The following CSF1R variants were observed in gnomAD, a reference collection of about 807,000 sequenced individuals.
CSF1R encodes macrophage colony-stimulating factor 1 receptor.
In CSF1R, 40 loss-of-function variants were observed where a neutral mutation model predicts 110.0. That is an observed-to-expected ratio of 0.36 (90% CI 0.28 to 0.47). The LOEUF is 0.47. Among genes scored for constraint, CSF1R ranks in the 20% least tolerant of loss-of-function variants. The probability of loss-of-function intolerance (pLI) is 0.99; values close to 1 mark genes in which losing one functional copy is unlikely to be tolerated. For missense variants in CSF1R, 1,052 were observed against 1,253.0 expected (o/e 0.84, Z 2.42); for synonymous variants, 523 against 503.4 (o/e 1.04, Z -0.52).
chr5:150,100,902 C>T (rs964759243), intron 1 of CSF1R, among the ~76,000 whole-genome samples: 6 of 152,044 alleles, frequency 3.9e-5, no homozygotes, highest in East Asian at 1.9e-4. Flanking sequence ...AATACAGCTA[C>T]GCACAATTAT....
At chr5:150,079,261 C>T (rs1457808475) in intron 3 of CSF1R, among the ~76,000 whole-genome samples, 1 of 152,202 alleles carries the variant, frequency 6.6e-6, no homozygotes, top group Non-Finnish European at 1.5e-5. Context: ...GTCCTTTGAC[C>T]CCCTGGGCAG....
chr5:150,078,940 G>A (rs890393952), intron 3 of CSF1R, among the ~76,000 whole-genome samples: 1 of 152,170 alleles, frequency 6.6e-6, no homozygotes, highest in Admixed American at 6.5e-5. Flanking sequence ...CATCACATTT[G>A]TATTTACTTT....
At chr5:150,059,127 C>T (rs1448324798) in intron 14 of CSF1R, among the ~76,000 whole-genome samples, 1 of 152,198 alleles carries the variant, frequency 6.6e-6, no homozygotes, top group Non-Finnish European at 1.5e-5. Context: ...TCACAGCAAC[C>T]TCTGCCTCCT....
chr5:150,112,974 G>A (rs932794412), intron 1 of CSF1R, among the ~76,000 whole-genome samples: 1 of 152,202 alleles, frequency 6.6e-6, no homozygotes, highest in Non-Finnish European at 1.5e-5. Context: ...TGATGGATCT[G>A]AGGCTGACAT....
In CSF1R at chr5:150,073,195, C is replaced by G. The variant is rs1479437154; in HGVS notation, c.1082+106G>C. ...GCCCAGAAAGGGGCAGGGACTTGCT[C>G]AAGGTCATACACCAAGGTTGGGACA... On this transcript the variant is annotated intron_variant, in intron 6 of 20. Transcript: ENST00000675795. 12 of 1,144,252 alleles carry G rather than the reference C, an allele frequency of 1.0e-5. No homozygotes were observed. In the East Asian group the frequency reaches 1.2e-4, roughly 11 times the overall value. The allele number at this position is 1,144,252 out of a possible 1,614,324, so 70.9% of individuals were successfully genotyped here. A position where few individuals can be genotyped will look rare whatever the true frequency, so the allele number is the denominator to read the frequency against.
rs760509901 is a variant in CSF1R at position 150,073,437 on chromosome 5, C to T, written c.946G>A (p.Gly316Arg). 2.5e-6 allele frequency: 4 copies of T among 1,614,130 alleles called. No homozygotes were observed. The South Asian group carries it at 4.4e-5, about 18-fold the overall frequency. ...EQNLIQEVTVGEGLNLKVMVE... is the reference protein window; with the variant it reads ...EQNLIQEVTVREGLNLKVMVE... ...ATGACTTTGAGGTTGAGCCCCTCCC[C>T]CACGGTCACCTCCTGGATGAGGTTC... Residue 316 changes from glycine (G) to arginine (R), a missense_variant, in exon 6 of 21, where the codon GGG becomes AGG. By Grantham distance (125) the Gly-to-Arg change is moderately radical (BLOSUM62 -2). Transcript: ENST00000675795.
At chr5:150,101,643 C>T (rs1759407757) in intron 1 of CSF1R, among the ~76,000 whole-genome samples, 1 of 148,844 alleles carries the variant, frequency 6.7e-6, no homozygotes, top group African/African-American at 2.5e-5. Flanking sequence ...CCACTCCTTG[C>T]TTGCTTTCCT....
intron 1 of CSF1R, among the ~76,000 whole-genome samples, chr5:150,103,620 G>A (rs182591945): frequency 4.6e-5 from 7 of 152,338 alleles, no homozygotes; most frequent in Admixed American, 2.6e-4. Context: ...ATCAGATGGC[G>A]CTGGGGAACA....
chr5:150,102,523 A>G lies in CSF1R; in HGVS notation c.-181+10738T>C, dbSNP rs2113864538. 1.3e-5 allele frequency among the ~76,000 whole-genome samples: 2 copies of G among 152,268 alleles called. 1 individual carries two copies. Among genetic ancestry groups the G allele is most frequent in the Middle Eastern group, 6.8e-3 (2 of 294 alleles). On this transcript the variant is annotated intron_variant, in intron 1 of 21. Transcript: ENST00000286301. ...GAGACCGAGTCTCGCTCTATCACGC[A>G]GGCTGGAGTGCAGTGGCGCAGTCTT...
chr5:150,097,400 GAAGAAAGAAAGAAAA>G (rs961565147), intron 1 of CSF1R, among the ~76,000 whole-genome samples: 10 of 147,284 alleles, frequency 6.8e-5, no homozygotes, highest in Admixed American at 2.7e-4. Flanking sequence ...AAGGAAAGAA[GAAGAAAGAAAGAAAA>G]AAGAAAGAAA....
At chr5:150,109,069 A>G (rs6892661) in intron 1 of CSF1R, among the ~76,000 whole-genome samples, 43,000 of 95,868 alleles carry the variant, frequency 0.45, 7,417 homozygotes, top group Middle Eastern at 0.54. Context: ...CCCCCCCCCC[A>G]CCACCCAAGA....
At chr5:150,078,320 C>T (rs2113827259) in intron 3 of CSF1R, 72 bp from the exon 4 acceptor site, 3 of 1,566,078 alleles carry the variant, frequency 1.9e-6, no homozygotes, top group South Asian at 2.4e-5. Context: ...CTCCTCCCTG[C>T]CATGGGCCAG....
intron 14 of CSF1R, chr5:150,058,322 G>A: frequency 2.2e-6 from 1 of 456,252 alleles, no homozygotes; most frequent in South Asian, 1.5e-5. Flanking sequence ...ACTGTAGACT[G>A]AAGCACTACT....
Position 150,069,908 on chromosome 5 carries a change from C to G in CSF1R, c.1475G>C (p.Gly492Ala). ...TYECRAHNSV[G>A]SGSWAFIPIS... ...GGGTATGAAGGCCCAGGAGCCACTC[C>G]CCACGCTGTTGTGGGCCCTGCACTC... The change falls in exon 9 of 21, where the codon GGG becomes GCG. Residue 492 changes from glycine (G) to alanine (A), a missense_variant. Coordinates refer to ENST00000675795, the MANE Select transcript of CSF1R (RefSeq NM_001288705.3). 4 of 1,613,822 alleles carry G rather than the reference C, an allele frequency of 2.5e-6. No homozygotes were observed. Among genetic ancestry groups the G allele is most frequent in the Non-Finnish European group, 3.4e-6 (4 of 1,179,862 alleles).
chr5:150,070,561 T>C lies in CSF1R; in HGVS notation c.1093A>G (p.Thr365Ala). The change falls in exon 7 of 21, where the codon ACC (threonine) becomes GCC (alanine). Residue 365 changes from threonine to alanine, a missense_variant. This residue lies in a region of CSF1R where 693 missense variants were observed against 735.4 expected (regional missense o/e 0.94). Coordinates refer to ENST00000675795, the MANE Select transcript of CSF1R (RefSeq NM_001288705.3). Reference protein sequence around the residue: ...TTKDTYRHTFTLSLPRLKPSE... With the variant: ...TTKDTYRHTFALSLPRLKPSE... ...GGCTTCAGGCGGGGCAGAGAGAGGGTGAAGGTGTGCCTGCAGGAGAGAATC... is the reference window on the plus strand; with the variant it reads ...GGCTTCAGGCGGGGCAGAGAGAGGGCGAAGGTGTGCCTGCAGGAGAGAATC... 2 of 1,531,752 alleles carry C rather than the reference T, an allele frequency of 1.3e-6. No individual in the cohort carries two copies. Among genetic ancestry groups the C allele is most frequent in the Non-Finnish European group, 1.8e-6 (2 of 1,138,718 alleles). The allele number at this position is 1,531,752 out of a possible 1,614,324, so 94.9% of individuals were successfully genotyped here. A position where few individuals can be genotyped will look rare whatever the true frequency, so the allele number is the denominator to read the frequency against.
intron 1 of CSF1R, among the ~76,000 whole-genome samples, chr5:150,097,732 C>T (rs181124986): frequency 3.4e-4 from 51 of 152,140 alleles, no homozygotes; most frequent in Non-Finnish European, 5.9e-5. Context: ...GTGTACAAAA[C>T]ACTGAGAAAA....
rs866023129 is a variant in CSF1R, at chr5:150,086,268, G to C, written c.49+111C>G. ...CACAAGCCTGCAGTCCAGTGTTGGG[G>C]AGACTAAAACAGCCTGAGGACACCC... On this transcript the variant is annotated intron_variant, in intron 1 of 20. Coordinates refer to ENST00000675795, the MANE Select transcript of CSF1R (RefSeq NM_001288705.3). 4 of 1,059,866 alleles carry C rather than the reference G, an allele frequency of 3.8e-6. No individual in the cohort carries two copies. The Middle Eastern group carries it at 8.1e-4, about 215-fold the overall frequency. The allele number at this position is 1,059,866 out of a possible 1,614,324, so 65.7% of individuals were successfully genotyped here.
intron 3 of CSF1R, among the ~76,000 whole-genome samples, chr5:150,079,139 GT>G (rs1429526448): frequency 2.0e-5 from 3 of 152,216 alleles, no homozygotes; most frequent in Non-Finnish European, 4.4e-5. Flanking sequence ...CCCTGAGGGG[GT>G]GTCAAGGCAG....
At chr5:150,112,450 G>A (rs1035687205) in intron 1 of CSF1R, among the ~76,000 whole-genome samples, 2 of 152,176 alleles carry the variant, frequency 1.3e-5, no homozygotes, top group African/African-American at 2.4e-5. Flanking sequence ...TTTATCCCTG[G>A]GGAAACTGAG....
Sources: gnomAD v4.1 joint callset for allele counts (sites outside exome capture counted in the v4.1 genomes callset) on GRCh38, gnomAD v4.1.1 for gene constraint, gnomAD v4.1.1 regional missense constraint, MANE v1.5 for transcripts, NCBI Gene and HGNC (gene_info 2026-07-23, HGNC 2026-07-21) for gene names.